The following FAM161B variants were observed in gnomAD, a reference collection of about 807,000 sequenced individuals.
FAM161B encodes FAM161 centrosomal protein B.
A neutral mutation model predicts 61.5 loss-of-function variants in FAM161B; 46 were observed. That is an observed-to-expected ratio of 0.75 (90% CI 0.59 to 0.96). FAM161B has a LOEUF of 0.96. Ranked by LOEUF, FAM161B falls within the 40% of genes least tolerant of loss-of-function variation. The probability of loss-of-function intolerance (pLI) is 0.00; values close to 1 mark genes in which losing one functional copy is unlikely to be tolerated. For synonymous variants in FAM161B, 284 were observed against 302.7 expected, an observed-to-expected ratio of 0.94 and a Z score of 0.64; for missense variants, 774 against 800.7, an observed-to-expected ratio of 0.97 and a Z score of 0.40.
chr14:73,923,289 A>G, the FAM161B span: 2 of 1,270,598 alleles, frequency 1.6e-6, no homozygotes, highest in South Asian at 1.8e-5. Flanking sequence ...GGAATGTGGG[A>G]AATAGAGGAA....
At position 73,944,674 on chromosome 14, in the gene FAM161B, C is replaced by G; in HGVS notation, c.586G>C (p.Glu196Gln). The G allele has an allele frequency of 1.2e-6, 2 of 1,611,868 alleles. No homozygotes were observed. Among genetic ancestry groups the G allele is most frequent in the African/African-American group, 1.3e-5 (1 of 74,984 alleles). The change falls in exon 3 of 9, where the codon GAG (glutamate) becomes CAG (glutamine). Residue 196 changes from glutamate (E) to glutamine (Q), a missense_variant. Transcript: ENST00000286544. ...AEWLGSPASF[E>Q]QERQRAQRQG... is the part of the protein sequence containing the mutation. ...CTCTGGGCCCGCTGCCTCTCCTGCT[C>G]AAAGGAGGCAGGTGAGCCCAGCCAC...
intron 5 of FAM161B, among the ~76,000 whole-genome samples, chr14:73,940,312 C>T (rs1281006078): frequency 1.3e-5 from 2 of 152,212 alleles, no homozygotes; most frequent in East Asian, 3.8e-4. Context: ...GACATCTTCC[C>T]AAGATGAATC....
intron 1 of FAM161B, 37 bp from the exon 2 acceptor site, chr14:73,946,642 T>A (rs1287701707): frequency 1.9e-6 from 3 of 1,583,416 alleles, no homozygotes; most frequent in Non-Finnish European, 2.6e-6. Context: ...GGTCAAACAA[T>A]AATTTCAAAG....
rs1365081267 is a variant in FAM161B at position 73,949,867 on chromosome 14, C to T, written c.54+106G>A. Reference sequence around the variant, plus strand: ...CTGGTCCCTAAACGCTCATTTTAATCCCACGCCCCTCCGTGACACGCCCCT... The same window carrying T: ...CTGGTCCCTAAACGCTCATTTTAATTCCACGCCCCTCCGTGACACGCCCCT... On this transcript the variant is annotated intron_variant, in intron 1 of 8. Coordinates refer to ENST00000286544, the MANE Select transcript of FAM161B (RefSeq NM_152445.3). 4.7e-6 allele frequency: 7 copies of T among 1,490,782 alleles called. No homozygotes were observed. The Admixed American group carries it at 1.4e-4, about 31-fold the overall frequency. The allele number at this position is 1,490,782 out of a possible 1,614,324, so 92.3% of individuals were successfully genotyped here. A position where few individuals can be genotyped will look rare whatever the true frequency, so the allele number is the denominator to read the frequency against.
chr14:73,949,946 C>CG, intron 1 of FAM161B, 27 bp downstream of exon 1: 1 of 1,612,280 alleles, frequency 6.2e-7, no homozygotes, highest in Non-Finnish European at 8.5e-7. Flanking sequence ...ATTCCTTTCC[C>CG]GGGGGCAGTC....
chr14:73,934,678 C>A (rs946448440), intron 8 of FAM161B, among the ~76,000 whole-genome samples: 1 of 151,700 alleles, frequency 6.6e-6, no homozygotes, highest in African/African-American at 2.4e-5. Flanking sequence ...AACTCCTGGG[C>A]TCAAGCGATC....
rs761304501 is a variant in FAM161B, at chr14:73,934,304, C to T, written c.1896G>A (p.Leu632=). ...LEQPASPRKV[L]EELSHQSPEN... The stretch of plus-strand genomic sequence containing the variant: ...CTGGTGACTGATGAGACAGCTCCTC[C>T]AGTACTTTCCTGGGGCTTGCAGGCT... Residue 632 remains leucine (L), a synonymous_variant, in exon 9 of 9, where the codon CTG becomes CTA. Transcript: ENST00000286544. The T allele has an allele frequency of 4.3e-6, 7 of 1,614,056 alleles. No individual in the cohort carries two copies. The highest frequency in any genetic ancestry group is 5.9e-6 in the Non-Finnish European group (7 of 1,180,028).
intron 8 of FAM161B, among the ~76,000 whole-genome samples, chr14:73,935,517 A>G (rs1455816054): frequency 1.1e-4 from 17 of 149,230 alleles, no homozygotes; most frequent in African/African-American, 4.2e-4. Context: ...CAACAGAGTG[A>G]GACTCTGTCT....
At chr14:73,935,108 G>C (rs969258184) in intron 8 of FAM161B, among the ~76,000 whole-genome samples, 1 of 151,820 alleles carries the variant, frequency 6.6e-6, no homozygotes, top group Non-Finnish European at 1.5e-5. Context: ...GGGATGTAAA[G>C]GAAAATTTCT....
intron 2 of FAM161B, 111 bp downstream of exon 2, chr14:73,946,175 G>C: frequency 8.8e-7 from 1 of 1,139,320 alleles, no homozygotes. Context: ...CTCAGTAAAT[G>C]GCAACTTGCA....
chr14:73,943,132 A>C (rs2056033984), intron 3 of FAM161B, among the ~76,000 whole-genome samples: 1 of 152,034 alleles, frequency 6.6e-6, no homozygotes, highest in Non-Finnish European at 1.5e-5. Flanking sequence ...AGGCCCTACC[A>C]TCCACCCAGC....
chr14:73,937,471 AAGGTAGTAGTG>A (rs1423374935), intron 7 of FAM161B, 120 bp downstream of exon 7: 1 of 744,918 alleles, frequency 1.3e-6, no homozygotes, highest in Non-Finnish European at 2.2e-6. Flanking sequence ...TTGGGAAAAG[AAGGTAGTAGTG>A]AAATTAGAAT....
At chr14:73,924,852 T>C in the FAM161B span, 1 of 330,696 alleles carries the variant, frequency 3.0e-6, no homozygotes, top group South Asian at 2.2e-5. Context: ...AATTTTTTTG[T>C]ATTTTTAGTA....
chr14:73,938,106 T>C lies in FAM161B; in HGVS notation c.1407A>G (p.Ala469=), dbSNP rs2055986270. The change falls in exon 6 of 9, where the codon GCA becomes GCG. Residue 469 remains alanine (A), a synonymous_variant. Transcript: ENST00000286544. ...TRKRESAVRS[A]LEKKNKADES... Reference sequence around the variant, plus strand: ...CATCTGCTTTGTTCTTTTTTTCAAGTGCACTTCTAAAGGAAGGAGGCAGAA... The same window carrying C: ...CATCTGCTTTGTTCTTTTTTTCAAGCGCACTTCTAAAGGAAGGAGGCAGAA... The C allele has an allele frequency of 6.2e-7, 1 of 1,614,006 alleles. No individual in the cohort carries two copies. The highest frequency in any genetic ancestry group is 8.5e-7 in the Non-Finnish European group (1 of 1,179,970).
chr14:73,934,520 G>A (rs1015319142), intron 8 of FAM161B, 126 bp from the exon 9 acceptor site: 24 of 824,208 alleles, frequency 2.9e-5, no homozygotes, highest in Non-Finnish European at 4.1e-5. Context: ...CCCAGCTGAA[G>A]CAACCCTCCC....
At position 73,936,103 on chromosome 14, in the gene FAM161B, T is replaced by C. The variant is rs1409069114; in HGVS notation, c.1666-15A>G. 1.3e-6 allele frequency: 2 copies of C among 1,599,106 alleles called. No individual in the cohort carries two copies. The highest frequency in any genetic ancestry group is 3.4e-5 in the Admixed American group (2 of 57,976). On this transcript the variant is annotated splice_polypyrimidine_tract_variant and intron_variant, in intron 7 of 8. Coordinates refer to ENST00000286544, the MANE Select transcript of FAM161B (RefSeq NM_152445.3). ...TTGGCTAGATCCTGTGGGATGGAAA[T>C]TAATCTGTTGTAGCTGTCTTATGAA...
chr14:73,931,740 G>A (rs546669890), downstream of FAM161B: 57 of 587,902 alleles, frequency 9.7e-5, 1 homozygote, highest in South Asian at 9.6e-4. Flanking sequence ...GATCAGACAA[G>A]GAATGAAGCA....
chr14:73,942,863 G>T (rs2056031860), intron 3 of FAM161B, 148 bp from the exon 4 acceptor site: 5 of 656,576 alleles, frequency 7.6e-6, no homozygotes, highest in Non-Finnish European at 1.3e-5. Context: ...AACATCCTGT[G>T]AGATGCCTGC....
chr14:73,935,587 C>T (rs2055965473), intron 8 of FAM161B, among the ~76,000 whole-genome samples: 1 of 151,458 alleles, frequency 6.6e-6, no homozygotes, highest in Non-Finnish European at 1.5e-5. Context: ...TACTAATGAG[C>T]TACCTTTAAG....
Sources: gnomAD v4.1 joint callset for allele counts (sites outside exome capture counted in the v4.1 genomes callset) on GRCh38, gnomAD v4.1.1 for gene constraint, MANE v1.5 for transcripts, NCBI Gene and HGNC (gene_info 2026-07-23, HGNC 2026-07-21) for gene names.